SLCO3A1: variants seen among roughly 807,000 people sequenced by gnomAD.
The protein encoded by SLCO3A1 is PGE1 transporter.
SLCO3A1 carries 27 observed loss-of-function variants against 63.1 expected under a neutral mutation model. The ratio of observed to expected loss-of-function variants is 0.43; its 90% CI spans 0.32 to 0.59. The LOEUF (loss-of-function observed/expected upper bound fraction) is 0.59. Among genes scored for constraint, SLCO3A1 ranks in the 20% least tolerant of loss-of-function variants. The pLI is 0.09. For synonymous variants in SLCO3A1, 473 were observed against 409.9 expected (o/e 1.15, Z -1.86); for missense variants, 773 against 945.8 (o/e 0.82, Z 2.40).
chr15:91,924,234 C>A (rs1222659693), intron 2 of SLCO3A1, among the ~76,000 whole-genome samples: 2 of 152,182 alleles, frequency 1.3e-5, no homozygotes, highest in Non-Finnish European at 2.9e-5. Context: ...GGAGCTGGTC[C>A]TTGCCTCGTC....
chr15:92,164,194 C>T lies in SLCO3A1; in HGVS notation c.*1059C>T. 2 of 984,858 alleles carry T rather than the reference C, an allele frequency of 2.0e-6. No individual in the cohort carries two copies. Among genetic ancestry groups the T allele is most frequent in the Non-Finnish European group, 2.4e-6 (2 of 829,758 alleles). The allele number at this position is 984,858 out of a possible 1,614,324, so 61.0% of individuals were successfully genotyped here. On this transcript the variant is annotated 3_prime_UTR_variant, in exon 10 of 10. Coordinates refer to ENST00000318445, the MANE Select transcript of SLCO3A1 (RefSeq NM_013272.4). Reference sequence around the variant, plus strand: ...GCTGGTTGCTTTTACTTTTTTTCTCCTTTTTTAATGCACCAAAAATATGTG... The same window carrying T: ...GCTGGTTGCTTTTACTTTTTTTCTCTTTTTTTAATGCACCAAAAATATGTG...
intron 2 of SLCO3A1, among the ~76,000 whole-genome samples, chr15:91,921,032 C>T (rs1309576554): frequency 1.3e-5 from 2 of 152,186 alleles, no homozygotes; most frequent in Non-Finnish European, 2.9e-5. Context: ...TATTAGTTTG[C>T]TAGGGCTGCC....
chr15:92,120,329 A>G (rs1289038870), intron 4 of SLCO3A1, 136 bp from the exon 5 acceptor site: 8 of 821,762 alleles, frequency 9.7e-6, no homozygotes, highest in East Asian at 2.7e-5. Context: ...TGGCCTTAGC[A>G]ACTGGGTACC....
intron 2 of SLCO3A1, among the ~76,000 whole-genome samples, chr15:92,051,024 C>T (rs898124906): frequency 3.3e-5 from 5 of 152,238 alleles, no homozygotes; most frequent in African/African-American, 1.2e-4. Flanking sequence ...CTGACCCATC[C>T]AAAGTTGCCT....
At chr15:91,855,539 C>T (rs1007279116) in intron 1 of SLCO3A1, among the ~76,000 whole-genome samples, 14 of 152,148 alleles carry the variant, frequency 9.2e-5, no homozygotes, top group Admixed American at 7.2e-4. Flanking sequence ...CAAAAGCATA[C>T]CTTGTTTTCT....
intron 7 of SLCO3A1, among the ~76,000 whole-genome samples, chr15:92,129,725 A>G (rs2047969708): frequency 6.6e-6 from 1 of 152,178 alleles, no homozygotes; most frequent in East Asian, 1.9e-4. Context: ...TTCTTCCTAC[A>G]TCTTATATCT....
At position 91,950,500 on chromosome 15, in the gene SLCO3A1, A is replaced by G. The variant is rs112895181; in HGVS notation, c.646+34042A>G. 2.6e-5 allele frequency among the ~76,000 whole-genome samples: 4 copies of G among 152,358 alleles called. No homozygotes were observed. Among genetic ancestry groups the G allele is most frequent in the Non-Finnish European group, 5.9e-5 (4 of 68,030 alleles). On this transcript the variant is annotated intron_variant, in intron 2 of 9. Coordinates refer to ENST00000318445, the MANE Select transcript of SLCO3A1 (RefSeq NM_013272.4). The surrounding 1 kb of genome is among the most constrained non-coding windows in gnomAD (Gnocchi z 4.4). ...CCCCTGCAGGGGAACGTTGTGCAGT[A>G]TGGCAGGCGCACCCCACATGGGTGT...
intron 2 of SLCO3A1, among the ~76,000 whole-genome samples, chr15:91,986,107 C>T (rs1449163352): frequency 6.6e-6 from 1 of 152,108 alleles, no homozygotes; most frequent in Non-Finnish European, 1.5e-5. Context: ...TCTGGGAGCA[C>T]CTGGTGGGCA....
In SLCO3A1 at chr15:92,164,738, G is replaced by T. The variant is rs992405145; in HGVS notation, c.*1603G>T. 1.0e-6 allele frequency: 1 copy of T among 985,320 alleles called. No individual in the cohort carries two copies. Among genetic ancestry groups the T allele is most frequent in the African/African-American group, 1.7e-5 (1 of 57,298 alleles). 61.0% of individuals were successfully genotyped at this position (985,320 alleles called of 1,614,324 possible). A position where few individuals can be genotyped will look rare whatever the true frequency, so the allele number is the denominator to read the frequency against. On this transcript the variant is annotated 3_prime_UTR_variant, in exon 10 of 10. Transcript: ENST00000318445. ...CCTTGTCTGTGTGTTTTGAAGGTGG[G>T]TGAACCTCAGAGAATGAACCTGTTA...
intron 2 of SLCO3A1, among the ~76,000 whole-genome samples, chr15:92,082,153 T>C (rs2047354676): frequency 6.6e-6 from 1 of 152,246 alleles, no homozygotes; most frequent in Non-Finnish European, 1.5e-5. Flanking sequence ...AGGTCAGTTA[T>C]GTAATGCTGG....
chr15:92,157,429 C>G (rs1483372594), intron 9 of SLCO3A1, among the ~76,000 whole-genome samples: 2 of 152,068 alleles, frequency 1.3e-5, no homozygotes, highest in African/African-American at 2.4e-5. Context: ...ACCTGGCCCC[C>G]CCCCTTGTCC....
intron 4 of SLCO3A1, among the ~76,000 whole-genome samples, chr15:92,108,333 G>T (rs2047689679): frequency 6.6e-6 from 1 of 152,212 alleles, no homozygotes; most frequent in African/African-American, 2.4e-5. Flanking sequence ...CCTGGCTCTG[G>T]CTCTGCTCCT....
chr15:92,126,941 T>C lies in SLCO3A1; in HGVS notation c.1373+682T>C, dbSNP rs1163955324. ...CATCGAGGCTGAAGCATGGCTGGCC[T>C]GCAGGTTACCAGTTTCTCTCTCTAG... On this transcript the variant is annotated intron_variant, in intron 6 of 9. Coordinates refer to ENST00000318445, the MANE Select transcript of SLCO3A1 (RefSeq NM_013272.4). Among the ~76,000 whole-genome samples, 5 of 152,308 alleles carry C rather than the reference T, an allele frequency of 3.3e-5. No homozygotes were observed. In the East Asian group the frequency reaches 5.8e-4, roughly 18 times the overall value.
downstream of SLCO3A1, among the ~76,000 whole-genome samples, chr15:92,166,108 A>G (rs2151607854): frequency 6.6e-6 from 1 of 152,258 alleles, no homozygotes; most frequent in South Asian, 2.1e-4. Context: ...TGAAGTAAGC[A>G]CATTTTGCAA....
At chr15:91,893,986 C>T (rs555965508) in intron 1 of SLCO3A1, among the ~76,000 whole-genome samples, 47 of 152,220 alleles carry the variant, frequency 3.1e-4, no homozygotes, top group African/African-American at 1.0e-3. Flanking sequence ...GTTGCCATAG[C>T]GACTGGATTG....
intron 2 of SLCO3A1, among the ~76,000 whole-genome samples, chr15:92,076,020 A>T (rs889200579): frequency 2.6e-5 from 4 of 152,230 alleles, no homozygotes; most frequent in Non-Finnish European, 4.4e-5. Flanking sequence ...TCGACTTCTG[A>T]CAGTGACAGC....
Position 91,854,010 on chromosome 15 carries a change from C to G in SLCO3A1, c.102C>G (p.Ser34=). Residue 34 remains serine (S), a synonymous_variant, in exon 1 of 10, where the codon TCC becomes TCG. Coordinates refer to ENST00000318445, the MANE Select transcript of SLCO3A1 (RefSeq NM_013272.4). This position sits in a 1 kb window ranked among gnomAD's most constrained non-coding sequence, Gnocchi z 6.4. ...ACAAGAAAAAGAAAAAGAAGGTGTC[C>G]TGCTTTTCCAACATCAAGATCTTCC... The part of the protein sequence containing the change: ...QRNKKKKKKV[S]CFSNIKIFLV... 5 of 1,545,954 alleles carry G rather than the reference C, an allele frequency of 3.2e-6. No homozygotes were observed. The highest frequency in any genetic ancestry group is 3.4e-4 in the Middle Eastern group (2 of 5,842).
intron 8 of SLCO3A1, among the ~76,000 whole-genome samples, chr15:92,150,231 T>A (rs1308848460): frequency 6.6e-6 from 1 of 152,178 alleles, no homozygotes; most frequent in Non-Finnish European, 1.5e-5. Context: ...TTTCATGTTT[T>A]TCTGCCTGCT....
chr15:92,036,666 G>A (rs1207735666), intron 2 of SLCO3A1, among the ~76,000 whole-genome samples: 1 of 152,052 alleles, frequency 6.6e-6, no homozygotes, highest in Non-Finnish European at 1.5e-5. Context: ...TTGCCTTCCT[G>A]GGCTGCAGAT....
Sources: allele counts gnomAD v4.1 joint callset (sites outside exome capture counted in the v4.1 genomes callset), GRCh38; gene constraint gnomAD v4.1.1; non-coding constraint Gnocchi (gnomAD v3.1); transcripts MANE v1.5; gene names NCBI Gene and HGNC (gene_info 2026-07-23, HGNC 2026-07-21).